The following DNMT1 variants were observed in gnomAD, a reference collection of about 807,000 sequenced individuals.
The protein encoded by DNMT1 is DNA (cytosine-5)-methyltransferase 1.
DNMT1 carries 24 observed loss-of-function variants against 205.3 expected under a neutral mutation model. The ratio of observed to expected loss-of-function variants is 0.12; its 90% CI spans 0.08 to 0.16. The LOEUF is 0.16. Among genes scored for constraint, DNMT1 ranks in the 10% least tolerant of loss-of-function variants. DNMT1 has a pLI of 1.00. For synonymous variants in DNMT1, 817 were observed against 839.8 expected (o/e 0.97, Z 0.47); for missense variants, 1,293 against 2,177.7 (o/e 0.59, Z 8.09).
intron 13 of DNMT1, 93 bp from the exon 14 acceptor site, chr19:10,160,511 T>C: frequency 1.4e-6 from 2 of 1,410,624 alleles, no homozygotes; most frequent in Non-Finnish European, 2.0e-6. Flanking sequence ...TAAGTGATTA[T>C]CATAAAACAG....
chr19:10,170,192 G>A (rs1479846462), intron 9 of DNMT1, among the ~76,000 whole-genome samples: 2 of 152,056 alleles, frequency 1.3e-5, no homozygotes, highest in Non-Finnish European at 2.9e-5. Flanking sequence ...GGCTGAGGCA[G>A]GAGAATCGCT....
In DNMT1 at chr19:10,149,026, A is replaced by G. The variant is rs1401204365; in HGVS notation, c.2587-9T>C. ...TCGGGATCCATGCCTCCCTTGGGAG[A>G]TAAGAATGCGTGTCAGGCCAGGCGC... is the stretch of plus-strand genomic sequence containing the variant. On this transcript the variant is annotated splice_polypyrimidine_tract_variant and intron_variant, in intron 26 of 40. Transcript: ENST00000359526. The G allele has an allele frequency of 1.9e-6, 3 of 1,613,860 alleles. No homozygotes were observed. The Admixed American group carries it at 5.0e-5, about 27-fold the overall frequency.
Position 10,182,140 on chromosome 19 carries a change from G to C in DNMT1, c.81-63C>G, listed in dbSNP as rs1484216036. ...GTTAAGCAACTTCATTTGCCTGTAA[G>C]AATATCACAGTTCTAAAGAAGTTTT... On this transcript the variant is annotated intron_variant, in intron 1 of 40. Transcript: ENST00000359526. The C allele has an allele frequency of 2.0e-6, 3 of 1,515,378 alleles. No homozygotes were observed. In the Admixed American group the frequency reaches 5.0e-5, roughly 25 times the overall value. 93.9% of individuals were successfully genotyped at this position (1,515,378 alleles called of 1,614,324 possible).
Position 10,155,013 on chromosome 19 carries a change from C to T in DNMT1, c.1536G>A (p.Ala512=), listed in dbSNP as rs764039807. 76 of 1,613,950 alleles carry T rather than the reference C, an allele frequency of 4.7e-5. 1 individual carries two copies. Among genetic ancestry groups the T allele is most frequent in the South Asian group, 2.4e-4 (22 of 91,080 alleles). Residue 512 remains alanine (A), a synonymous_variant, in exon 20 of 41, where the codon GCG becomes GCA. Transcript: ENST00000359526. The part of the protein sequence containing the change: ...YILMDPSPEY[A]PIFGLMQEKI... Reference sequence around the variant, plus strand: ...TCTCCTGCATCAGCCCAAATATGGGCGCATACTCGGGACTGGGATCCATCA... The same window carrying T: ...TCTCCTGCATCAGCCCAAATATGGGTGCATACTCGGGACTGGGATCCATCA...
chr19:10,191,585 A>C (rs947841977), intron 1 of DNMT1, among the ~76,000 whole-genome samples: 5 of 152,192 alleles, frequency 3.3e-5, no homozygotes, highest in African/African-American at 9.7e-5. Context: ...AGAGCCCCTG[A>C]GCCAGTGGCC....
At chr19:10,162,855 T>C in intron 12 of DNMT1, 107 bp from the exon 13 acceptor site, 1 of 1,239,946 alleles carries the variant, frequency 8.1e-7, no homozygotes, top group Non-Finnish European at 1.2e-6. Context: ...GAAAGCAAGA[T>C]ACCCATGGGA....
rs368322199 is a variant in DNMT1, at chr19:10,175,633, G to T, written c.570-15C>A. 2 of 1,613,952 alleles carry T rather than the reference G, an allele frequency of 1.2e-6. No individual in the cohort carries two copies. The highest frequency in any genetic ancestry group is 1.7e-6 in the Non-Finnish European group (2 of 1,179,860). On this transcript the variant is annotated splice_polypyrimidine_tract_variant and intron_variant, in intron 6 of 40. Coordinates refer to ENST00000359526, the MANE Select transcript of DNMT1 (RefSeq NM_001130823.3). ...GTTTGGCAGGGCTGTCACACACAGT[G>T]AGGCCAACCATTAGTGGAACAAGAC...
chr19:10,138,048 C>A lies in DNMT1; in HGVS notation c.4116-39G>T. On this transcript the variant is annotated intron_variant, in intron 35 of 40. Transcript: ENST00000359526. The surrounding 1 kb of genome is among the most constrained non-coding windows in gnomAD (Gnocchi z 4.1). Reference sequence around the variant, plus strand: ...GGAGGTCAACACCTCTGGAGATGCACGCAGCAGCTGTCCCCTCATCACAGG... The same window carrying A: ...GGAGGTCAACACCTCTGGAGATGCAAGCAGCAGCTGTCCCCTCATCACAGG... 6.3e-7 allele frequency: 1 copy of A among 1,588,944 alleles called. No homozygotes were observed. Among genetic ancestry groups the A allele is most frequent in the Non-Finnish European group, 8.6e-7 (1 of 1,167,770 alleles).
rs770078957 is a variant in DNMT1 at position 10,154,266 on chromosome 19, A to T, written c.2019+27T>A. The stretch of plus-strand genomic sequence containing the variant: ...GCCAGAGGCTGGGCCACCTTAGGGG[A>T]GCGGGAGCACCCACAGGTGAGGTTA... On this transcript the variant is annotated intron_variant, in intron 22 of 40. Transcript: ENST00000359526. The surrounding 1 kb of genome is among the most constrained non-coding windows in gnomAD (Gnocchi z 6.3). 6.2e-7 allele frequency: 1 copy of T among 1,612,502 alleles called. No homozygotes were observed. The highest frequency in any genetic ancestry group is 1.3e-5 in the African/African-American group (1 of 74,886).
rs903404936 is a variant in DNMT1 at position 10,154,206 on chromosome 19, CCA to C, written c.2019+85_2019+86del. 2 of 1,393,862 alleles carry C rather than the reference CCA, an allele frequency of 1.4e-6. No homozygotes were observed. Among genetic ancestry groups the C allele is most frequent in the African/African-American group, 2.9e-5 (2 of 69,716 alleles). 86.3% of individuals were successfully genotyped at this position (1,393,862 alleles called of 1,614,324 possible). On this transcript the variant is annotated intron_variant, in intron 22 of 40. Transcript: ENST00000359526. The surrounding 1 kb of genome is among the most constrained non-coding windows in gnomAD (Gnocchi z 6.3). ...ACATTTGAGCAGCCAGAGTCTCAAGCCACAGAGAGAAAGATGGAGCAGTCCTC... is the reference window on the plus strand; with the variant it reads ...ACATTTGAGCAGCCAGAGTCTCAAGCCAGAGAGAAAGATGGAGCAGTCCTC...
chr19:10,141,737 A>C, intron 30 of DNMT1: 2 of 433,916 alleles, frequency 4.6e-6, no homozygotes, highest in South Asian at 2.7e-5. Context: ...CATGGTCCTC[A>C]ACGTTCAGTT....
Position 10,137,146 on chromosome 19 carries a change from A to G in DNMT1, c.4428T>C (p.His1476=). 1 of 1,610,696 alleles carries G rather than the reference A, an allele frequency of 6.2e-7. No homozygotes were observed. Among genetic ancestry groups the G allele is most frequent in the Non-Finnish European group, 8.5e-7 (1 of 1,179,118 alleles). ...AGCTGCTGCGGCCGTTCTTCCTGTC[A>G]TGGTGGGTATACCGCAGCTTCCTGG... ...TMARKLRYTH[H]DRKNGRSSSG... is the part of the protein sequence containing the mutation. Residue 1476 remains histidine, a synonymous_variant, in exon 37 of 41, where the codon CAT becomes CAC. Coordinates refer to ENST00000359526, the MANE Select transcript of DNMT1 (RefSeq NM_001130823.3). The surrounding 1 kb of genome is among the most constrained non-coding windows in gnomAD (Gnocchi z 6.4).
In DNMT1 at chr19:10,180,412, G is replaced by C. The variant is rs1425787169; in HGVS notation, c.383C>G (p.Pro128Arg). The C allele has an allele frequency of 6.2e-7, 1 of 1,614,004 alleles. No homozygotes were observed. Among genetic ancestry groups the C allele is most frequent in the Non-Finnish European group, 8.5e-7 (1 of 1,180,026 alleles). Reference protein sequence around the residue: ...RRVGMADANSPPKPLSKPRTP... With the variant: ...RRVGMADANSRPKPLSKPRTP... ...GCGAGGTTTGGAAAGGGGTTTGGGG[G>C]GGCTGTTGGCATCTGCCATTCCCAC... Residue 128 changes from proline to arginine, a missense_variant, in exon 4 of 41, where the codon CCC becomes CGC. Pro to Arg is a moderately radical substitution (Grantham distance 103). Around this residue, in one of 13 missense-constraint regions of DNMT1, gnomAD observed 394 missense variants for 451.6 expected, o/e 0.87. Transcript: ENST00000359526.
intron 27 of DNMT1, among the ~76,000 whole-genome samples, chr19:10,148,181 C>T (rs2038243185): frequency 6.7e-6 from 1 of 148,290 alleles, no homozygotes; most frequent in South Asian, 2.1e-4. Flanking sequence ...TAAAAGCTTC[C>T]CTCAAAGCAG....
At position 10,160,344 on chromosome 19, in the gene DNMT1, T is replaced by C. The variant is rs1183476933; in HGVS notation, c.1043+40A>G. 5 of 1,613,626 alleles carry C rather than the reference T, an allele frequency of 3.1e-6. No homozygotes were observed. The African/African-American group carries it at 6.7e-5, about 22-fold the overall frequency. Reference sequence around the variant, plus strand: ...TTGTTCTAGAACCATCATTTTAACATTACCATCTGCTTTCGATAATGTCAA... The same window carrying C: ...TTGTTCTAGAACCATCATTTTAACACTACCATCTGCTTTCGATAATGTCAA... On this transcript the variant is annotated intron_variant, in intron 14 of 40. Coordinates refer to ENST00000359526, the MANE Select transcript of DNMT1 (RefSeq NM_001130823.3).
chr19:10,193,363 A>C (rs890952539), intron 1 of DNMT1, among the ~76,000 whole-genome samples: 1 of 151,932 alleles, frequency 6.6e-6, no homozygotes, highest in African/African-American at 2.4e-5. Context: ...AAAAATAAAA[A>C]GTGTTTCTTT....
intron 14 of DNMT1, 36 bp from the exon 15 acceptor site, chr19:10,160,099 T>C (rs924640435): frequency 2.5e-6 from 4 of 1,610,620 alleles, no homozygotes; most frequent in African/African-American, 1.3e-5. Context: ...ATCGTTTGTT[T>C]AATTGTTTCA....
intron 3 of DNMT1, 78 bp from the exon 4 acceptor site, chr19:10,180,647 T>C (rs1457116801): frequency 1.6e-6 from 2 of 1,221,982 alleles, no homozygotes; most frequent in African/African-American, 3.9e-5. Flanking sequence ...TGTGTTTCCT[T>C]CATCATCATC....
rs2145282769 is a variant in DNMT1, at chr19:10,146,294, GC to G, written c.2894+56del. On this transcript the variant is annotated intron_variant, in intron 28 of 40. Coordinates refer to ENST00000359526, the MANE Select transcript of DNMT1 (RefSeq NM_001130823.3). The surrounding 1 kb of genome is among the most constrained non-coding windows in gnomAD (Gnocchi z 4.4). ...TCTGTAAGGAGGGGGACACCACAAA[GC>G]CAGCCTGGCTCAGCCTGGAGCGCCC... 6.2e-7 allele frequency: 1 copy of G among 1,600,920 alleles called. No homozygotes were observed. The highest frequency in any genetic ancestry group is 2.2e-5 in the East Asian group (1 of 44,742).
Sources: gnomAD v4.1 joint callset for allele counts (sites outside exome capture counted in the v4.1 genomes callset) on GRCh38, gnomAD v4.1.1 for gene constraint, gnomAD v4.1.1 regional missense constraint, Gnocchi (gnomAD v3.1) non-coding constraint, MANE v1.5 for transcripts, NCBI Gene and HGNC (gene_info 2026-07-23, HGNC 2026-07-21) for gene names.